Variants in PEAK1 observed in about 807,000 individuals in gnomAD.
PEAK1 encodes inactive tyrosine-protein kinase PEAK1.
Under a neutral mutation model 124.7 loss-of-function variants are expected in PEAK1, and 54 were observed. That is an observed-to-expected ratio of 0.43 (90% CI 0.35 to 0.54). The LOEUF (loss-of-function observed/expected upper bound fraction) is 0.54. Ranked by LOEUF, PEAK1 falls within the 20% of genes least tolerant of loss-of-function variation. The probability of loss-of-function intolerance (pLI) is 0.01; values close to 1 mark genes in which losing one functional copy is unlikely to be tolerated. For missense variants in PEAK1, 2,046 were observed against 2,134.5 expected (o/e 0.96, Z 0.82); for synonymous variants, 719 against 760.0 (o/e 0.95, Z 0.89).
intron 1 of PEAK1, among the ~76,000 whole-genome samples, chr15:77,391,257 C>T (rs1432155372): frequency 6.6e-6 from 1 of 152,000 alleles, no homozygotes; most frequent in Non-Finnish European, 1.5e-5. Flanking sequence ...AAGAACTGTG[C>T]ATTAAAGATT....
intron 6 of PEAK1, chr15:77,239,830 A>T: frequency 1.0e-6 from 1 of 985,006 alleles, no homozygotes; most frequent in Non-Finnish European, 1.2e-6. Context: ...TTCAAAGACC[A>T]CTCTCTAGGA....
At chr15:77,146,594 G>T (rs1395864522) in intron 8 of PEAK1, among the ~76,000 whole-genome samples, 1 of 152,046 alleles carries the variant, frequency 6.6e-6, no homozygotes, top group African/African-American at 2.4e-5. Flanking sequence ...GCTAACTTCG[G>T]GACAGAGTGT....
At chr15:77,163,086 G>C (rs1488987176) in intron 7 of PEAK1, among the ~76,000 whole-genome samples, 1 of 152,112 alleles carries the variant, frequency 6.6e-6, no homozygotes, top group Non-Finnish European at 1.5e-5. Flanking sequence ...CTAGGTCCTT[G>C]ATCTTCAGGT....
At chr15:77,218,457 C>A (rs2059242565) in intron 6 of PEAK1, among the ~76,000 whole-genome samples, 1 of 151,696 alleles carries the variant, frequency 6.6e-6, no homozygotes, top group Non-Finnish European at 1.5e-5. Flanking sequence ...AGATGTTAAA[C>A]CAACACTGCA....
chr15:77,294,018 C>T (rs1023881153), intron 2 of PEAK1, among the ~76,000 whole-genome samples: 4 of 152,134 alleles, frequency 2.6e-5, no homozygotes, highest in African/African-American at 9.7e-5. Flanking sequence ...ATAAGCATTA[C>T]CTCTGCATTC....
chr15:77,420,818 G>A (rs1404892904), upstream of PEAK1: 4 of 398,494 alleles, frequency 1.0e-5, no homozygotes, highest in Non-Finnish European at 1.3e-5. Flanking sequence ...CCTGTGGAAA[G>A]GTGGTTAAGA....
rs2050977521 is a variant in PEAK1 at position 77,111,569 on chromosome 15, C to T, written c.*2587G>A. On this transcript the variant is annotated 3_prime_UTR_variant, in exon 10 of 10. Transcript: ENST00000682557. ...GGCTAGTTTGCATTCATCTTTTGCC[C>T]TTAACAAATCTGAATATAAAAACAG... The T allele has an allele frequency of 6.6e-6, 1 of 152,088 alleles. No homozygotes were observed. Among genetic ancestry groups the T allele is most frequent in the South Asian group, 2.1e-4 (1 of 4,816 alleles). 9.4% of individuals were successfully genotyped at this position (152,088 alleles called of 1,614,324 possible). A position where few individuals can be genotyped will look rare whatever the true frequency, so the allele number is the denominator to read the frequency against.
rs553849393 is a variant in PEAK1 at position 77,241,915 on chromosome 15, G to A, written c.-115+10452C>T. Among the ~76,000 whole-genome samples, 12 of 152,004 alleles carry A rather than the reference G, an allele frequency of 7.9e-5. No homozygotes were observed. In the South Asian group the frequency reaches 1.2e-3, roughly 16 times the overall value. On this transcript the variant is annotated intron_variant, in intron 6 of 9. Transcript: ENST00000682557. ...ATGTCAATTTTCTTCAAACTAATCC[G>A]TAGATTTAATACAATTCCAATCAAA...
chr15:77,398,661 T>C (rs1256913456), intron 1 of PEAK1, among the ~76,000 whole-genome samples: 1 of 152,220 alleles, frequency 6.6e-6, no homozygotes, highest in African/African-American at 2.4e-5. Context: ...GCTAGTATCA[T>C]ACTGAATGGA....
chr15:77,379,003 T>G (rs2069256279), intron 1 of PEAK1, among the ~76,000 whole-genome samples: 1 of 152,228 alleles, frequency 6.6e-6, no homozygotes, highest in Admixed American at 6.5e-5. Context: ...TGTCTTTAAC[T>G]GGTTTGTTTT....
intron 1 of PEAK1, among the ~76,000 whole-genome samples, chr15:77,377,456 C>CTTTT (rs879298852): frequency 2.1e-5 from 3 of 143,424 alleles, no homozygotes; most frequent in Admixed American, 1.4e-4. Flanking sequence ...TATATATACT[C>CTTTT]TTTTTTTTTT....
intron 1 of PEAK1, among the ~76,000 whole-genome samples, chr15:77,391,882 T>C (rs1363591836): frequency 6.6e-6 from 1 of 152,160 alleles, no homozygotes; most frequent in Non-Finnish European, 1.5e-5. Context: ...CATACTAATA[T>C]CCGATTATTC....
intron 1 of PEAK1, among the ~76,000 whole-genome samples, chr15:77,398,297 A>AT (rs1488361980): frequency 1.3e-4 from 20 of 152,280 alleles, no homozygotes; most frequent in African/African-American, 4.3e-4. Context: ...ACAAAGACAC[A>AT]TTTAAAAAAA....
chr15:77,145,100 A>G (rs1449216135), intron 8 of PEAK1, among the ~76,000 whole-genome samples: 1 of 152,208 alleles, frequency 6.6e-6, no homozygotes, highest in East Asian at 1.9e-4. Flanking sequence ...CTCAAAACTT[A>G]CTTTTCTCTT....
At chr15:77,282,560 G>C (rs979512389) in intron 5 of PEAK1, among the ~76,000 whole-genome samples, 10 of 152,328 alleles carry the variant, frequency 6.6e-5, no homozygotes, top group African/African-American at 2.4e-4. Flanking sequence ...AGCCTGGCTT[G>C]CTTGCAGTTG....
intron 1 of PEAK1, chr15:77,403,699 T>C (rs1206619485): frequency 1.1e-6 from 1 of 917,480 alleles, no homozygotes; most frequent in Admixed American, 6.2e-5. Flanking sequence ...ATCAAAACCA[T>C]ATTAAGAAAA....
chr15:77,231,660 T>C (rs906313842), intron 6 of PEAK1, among the ~76,000 whole-genome samples: 3 of 152,116 alleles, frequency 2.0e-5, no homozygotes, highest in Non-Finnish European at 4.4e-5. Context: ...ATTTGAAAAA[T>C]AAATATAGAT....
At chr15:77,403,847 A>G (rs540270310) in intron 1 of PEAK1, 7 of 984,752 alleles carry the variant, frequency 7.1e-6, no homozygotes, top group Non-Finnish European at 8.4e-6. Context: ...CTTTATGCCC[A>G]TGCCACATAT....
At chr15:77,156,678 T>C (rs148808915) in intron 8 of PEAK1, 2 of 152,276 alleles carry the variant, frequency 1.3e-5, no homozygotes, top group East Asian at 3.9e-4. Context: ...TGTCAGCTAA[T>C]AAAAATTTAT....
Sources: gnomAD v4.1 joint callset for allele counts (sites outside exome capture counted in the v4.1 genomes callset) on GRCh38, gnomAD v4.1.1 for gene constraint, MANE v1.5 for transcripts, NCBI Gene and HGNC (gene_info 2026-07-23, HGNC 2026-07-21) for gene names.